COL13A1: variants seen among roughly 807,000 people sequenced by gnomAD.
COL13A1 encodes the protein collagen type XIII alpha 1 chain.
COL13A1 carries 89 observed loss-of-function variants against 130.9 expected under a neutral mutation model. That is an observed-to-expected ratio of 0.68 (90% CI 0.57 to 0.81). COL13A1 has a LOEUF of 0.81. COL13A1 is among the 30% of genes least tolerant of loss of function. The pLI is 0.00. For missense variants in COL13A1, 879 were observed against 934.6 expected (o/e 0.94, Z 0.78); for synonymous variants, 402 against 341.6 (o/e 1.18, Z -1.95).
At chr10:69,808,467 A>G (rs573148692) in intron 1 of COL13A1, among the ~76,000 whole-genome samples, 1 of 152,262 alleles carries the variant, frequency 6.6e-6, no homozygotes, top group East Asian at 1.9e-4. Flanking sequence ...CCCAAACGGT[A>G]GCAGATACTA....
At chr10:69,879,043 T>C (rs149506981) in intron 6 of COL13A1, among the ~76,000 whole-genome samples, 1 of 152,370 alleles carries the variant, frequency 6.6e-6, no homozygotes, top group African/African-American at 2.4e-5. Context: ...CGGGTTTAAG[T>C]ATTTTGTCTG....
intron 2 of COL13A1, among the ~76,000 whole-genome samples, chr10:69,867,275 T>C (rs148620207): frequency 4.1e-4 from 62 of 152,310 alleles, no homozygotes; most frequent in African/African-American, 1.3e-3. Flanking sequence ...AACTCACTGC[T>C]AAACAGAAAC....
chr10:69,808,879 G>C (rs763767226), intron 1 of COL13A1, among the ~76,000 whole-genome samples: 4 of 152,176 alleles, frequency 2.6e-5, no homozygotes, highest in East Asian at 1.9e-4. Flanking sequence ...ATTTGCTCAG[G>C]GGGTGTTTCT....
intron 2 of COL13A1, among the ~76,000 whole-genome samples, chr10:69,849,243 T>C (rs1398058807): frequency 2.0e-5 from 3 of 151,186 alleles, no homozygotes; most frequent in Non-Finnish European, 4.4e-5. Context: ...GAGACAGAAG[T>C]GGCTGCCCTC....
chr10:69,832,333 T>C (rs932609486), intron 2 of COL13A1, among the ~76,000 whole-genome samples: 2 of 152,174 alleles, frequency 1.3e-5, no homozygotes, highest in African/African-American at 4.8e-5. Flanking sequence ...GGGGCCTTAG[T>C]TGGAATCCCA....
rs147918926 is a variant in COL13A1 at position 69,817,569 on chromosome 10, G to T, written c.295-4800G>T. ...ATTTAAAGTAAGATCAGTCGGCGAGGTTGTGTGTTTCTCCCGCTTTACCCT... is the reference window on the plus strand; with the variant it reads ...ATTTAAAGTAAGATCAGTCGGCGAGTTTGTGTGTTTCTCCCGCTTTACCCT... On this transcript the variant is annotated intron_variant, in intron 1 of 40. Transcript: ENST00000645393. 2.0e-3 allele frequency among the ~76,000 whole-genome samples: 299 copies of T among 152,134 alleles called. 2 individuals are homozygous for T. Among genetic ancestry groups the T allele is most frequent in the African/African-American group, 6.5e-3 (270 of 41,496 alleles).
chr10:69,891,963 T>G (rs1375418384), intron 10 of COL13A1, among the ~76,000 whole-genome samples: 1 of 152,152 alleles, frequency 6.6e-6, no homozygotes. Flanking sequence ...AGCCAGCACT[T>G]TGTCCTGGAG....
intron 3 of COL13A1, among the ~76,000 whole-genome samples, chr10:69,868,134 A>G (rs2058709519): frequency 1.3e-5 from 2 of 151,834 alleles, no homozygotes; most frequent in African/African-American, 4.8e-5. Context: ...AAAAAAAAAA[A>G]AAAAAGCACC....
intron 34 of COL13A1, among the ~76,000 whole-genome samples, chr10:69,939,864 T>G (rs983247086): frequency 2.0e-5 from 3 of 152,198 alleles, no homozygotes; most frequent in African/African-American, 7.2e-5. Flanking sequence ...GTCCTAAATC[T>G]GAGAAGAGTC....
chr10:69,945,594 C>G, intron 36 of COL13A1, 77 bp from the exon 37 acceptor site: 1 of 1,558,274 alleles, frequency 6.4e-7, no homozygotes. Flanking sequence ...TCCTGTATTT[C>G]ATACCAAAGT....
chr10:69,825,344 C>T (rs532678949), intron 2 of COL13A1, among the ~76,000 whole-genome samples: 2 of 152,326 alleles, frequency 1.3e-5, no homozygotes, highest in African/African-American at 4.8e-5. Context: ...CTGATCCTTG[C>T]AGAAGGACTC....
Position 69,849,350 on chromosome 10 carries a change from G to C in COL13A1, c.365-18448G>C, listed in dbSNP as rs114867816. On this transcript the variant is annotated intron_variant, in intron 2 of 40. Transcript: ENST00000645393. Reference sequence around the variant, plus strand: ...GGTGCAGGGGATGGGGAGCGGGGGTGGGGGGCGCTTCCGCAGCAGTGCCCC... The same window carrying C: ...GGTGCAGGGGATGGGGAGCGGGGGTCGGGGGCGCTTCCGCAGCAGTGCCCC... Among the ~76,000 whole-genome samples the C allele has an allele frequency of 5.9e-5, 9 of 152,214 alleles. No individual in the cohort carries two copies. In the East Asian group the frequency reaches 9.7e-4, roughly 16 times the overall value.
At position 69,872,200 on chromosome 10, in the gene COL13A1, C is replaced by A; in HGVS notation, c.389C>A (p.Pro130His). 9 of 1,614,066 alleles carry A rather than the reference C, an allele frequency of 5.6e-6. No individual in the cohort carries two copies. The highest frequency in any genetic ancestry group is 7.6e-6 in the Non-Finnish European group (9 of 1,179,896). ...TCATTTCAGGGTCCCACTGGAAGAC[C>A]CGGACTCCCAGTAAGTCACTTTTGT... ...PPGPPGPTGR[P>H]GLPGDKGAIG... The change falls in exon 4 of 41, where the codon CCC becomes CAC. Residue 130 changes from proline to histidine, a missense_variant. Around this residue, in one of 3 missense-constraint regions of COL13A1, gnomAD observed 715 missense variants for 721.0 expected, o/e 0.99. Coordinates refer to ENST00000645393, the MANE Select transcript of COL13A1 (RefSeq NM_001368882.1).
At position 69,856,432 on chromosome 10, in the gene COL13A1, C is replaced by T. The variant is rs76228877; in HGVS notation, c.365-11366C>T. Among the ~76,000 whole-genome samples the T allele has an allele frequency of 2.6e-5, 4 of 152,182 alleles. No individual in the cohort carries two copies. In the East Asian group the frequency reaches 5.8e-4, roughly 22 times the overall value. On this transcript the variant is annotated intron_variant, in intron 2 of 40. Coordinates refer to ENST00000645393, the MANE Select transcript of COL13A1 (RefSeq NM_001368882.1). ...CTTGTAGGCATTGGAGTTTGTGACA[C>T]CTAATCTCCCTCAACTCTTCTTAGA... is the stretch of plus-strand genomic sequence containing the variant.
Position 69,957,046 on chromosome 10 carries a change from A to G in COL13A1, c.2184+4A>G. ...AGTCCAAGGCTGCTGGAACAAGGTA[A>G]GGCTTCCCATTGGTGTGCACTGGGG... On this transcript the variant is annotated splice_donor_region_variant and intron_variant, in intron 40 of 40. Transcript: ENST00000645393. 1 of 1,613,130 alleles carries G rather than the reference A, an allele frequency of 6.2e-7. No homozygotes were observed. The highest frequency in any genetic ancestry group is 8.5e-7 in the Non-Finnish European group (1 of 1,179,144).
intron 8 of COL13A1, 73 bp downstream of exon 8, chr10:69,887,564 G>A (rs899518416): frequency 2.7e-6 from 4 of 1,497,786 alleles, no homozygotes; most frequent in Admixed American, 3.6e-5. Flanking sequence ...CTTCATCTGA[G>A]GTCAGCCCCG....
intron 2 of COL13A1, among the ~76,000 whole-genome samples, chr10:69,835,468 C>T (rs941316746): frequency 2.0e-5 from 3 of 152,158 alleles, no homozygotes; most frequent in African/African-American, 7.2e-5. Context: ...CTGTTACTCC[C>T]TGGCAAGTTC....
chr10:69,908,877 G>A (rs1191348126), intron 17 of COL13A1, among the ~76,000 whole-genome samples: 1 of 150,510 alleles, frequency 6.6e-6, no homozygotes, highest in Non-Finnish European at 1.5e-5. Flanking sequence ...AAGTGCCAAT[G>A]AATAAACTCT....
chr10:69,935,330 G>A lies in COL13A1; in HGVS notation c.1729-20G>A. The A allele has an allele frequency of 6.4e-7, 1 of 1,573,110 alleles. No homozygotes were observed. The highest frequency in any genetic ancestry group is 8.6e-7 in the Non-Finnish European group (1 of 1,157,826). On this transcript the variant is annotated intron_variant, in intron 31 of 40. Coordinates refer to ENST00000645393, the MANE Select transcript of COL13A1 (RefSeq NM_001368882.1). ...GGGAGGGCCACTTCAAATGTAACAG[G>A]GCTCCCCTTTGGCTTTTAGGTTCCT... is the stretch of plus-strand genomic sequence containing the variant.
Sources: allele counts gnomAD v4.1 joint callset (sites outside exome capture counted in the v4.1 genomes callset), GRCh38; gene constraint gnomAD v4.1.1; regional missense constraint gnomAD v4.1.1; transcripts MANE v1.5; gene names NCBI Gene and HGNC (gene_info 2026-07-23, HGNC 2026-07-21).